Variants in MARK3 observed in about 807,000 individuals in gnomAD.
MARK3 encodes MAP/microtubule affinity-regulating kinase 3.
A neutral mutation model predicts 90.1 loss-of-function variants in MARK3; 46 were observed. That is an observed-to-expected ratio of 0.51 (90% CI 0.40 to 0.65). MARK3 has a LOEUF of 0.65. MARK3 is among the 30% of genes least tolerant of loss of function. The probability of loss-of-function intolerance (pLI) is 0.00; values close to 1 mark genes in which losing one functional copy is unlikely to be tolerated. For missense variants in MARK3, 818 were observed against 947.2 expected (o/e 0.86, Z 1.79); for synonymous variants, 321 against 332.6 (o/e 0.97, Z 0.38).
At chr14:103,470,059 CAAA>C (rs77013768) in intron 12 of MARK3, among the ~76,000 whole-genome samples, 3 of 111,290 alleles carry the variant, frequency 2.7e-5, no homozygotes, top group Non-Finnish European at 1.8e-5. Context: ...GAGTCCATCT[CAAA>C]AAAAAAAAAA....
chr14:103,433,465 G>C (rs994551557), intron 3 of MARK3, among the ~76,000 whole-genome samples: 3 of 152,054 alleles, frequency 2.0e-5, no homozygotes, highest in African/African-American at 7.2e-5. Context: ...AGGCCGAGGC[G>C]GGTGGATCAC....
intron 12 of MARK3, among the ~76,000 whole-genome samples, chr14:103,470,455 A>ATTTTTTTTTTTTTTTTTTTTTT: frequency 0.018 from 972 of 55,022 alleles, 366 homozygotes; most frequent in Middle Eastern, 0.031. Flanking sequence ...AACTAAATCT[A>ATTTTTTTTTTTTTTTTTTTTTT]TTTTTTTTTT....
chr14:103,486,980 T>A (rs1012174266), intron 14 of MARK3, among the ~76,000 whole-genome samples: 6 of 151,950 alleles, frequency 3.9e-5, no homozygotes, highest in South Asian at 2.1e-4. Context: ...TTTAGTGGCA[T>A]GATCTCAGCT....
At chr14:103,452,335 A>G (rs1246865780) in intron 5 of MARK3, among the ~76,000 whole-genome samples, 4 of 152,020 alleles carry the variant, frequency 2.6e-5, no homozygotes, top group Non-Finnish European at 5.9e-5. Context: ...TCATTTTCTA[A>G]CACGAAACTC....
chr14:103,435,744 G>A (rs913180772), intron 3 of MARK3, among the ~76,000 whole-genome samples: 27 of 150,900 alleles, frequency 1.8e-4, no homozygotes, highest in African/African-American at 5.1e-4. Context: ...TGATTGATGG[G>A]GTCTTGTCCT....
chr14:103,458,150 CTT>C (rs989835583), intron 6 of MARK3, among the ~76,000 whole-genome samples: 2 of 152,190 alleles, frequency 1.3e-5, no homozygotes, highest in Non-Finnish European at 2.9e-5. Flanking sequence ...ATTTAACTCT[CTT>C]GTTGTAGCTT....
At chr14:103,475,538 C>T (rs1377076043) in intron 13 of MARK3, among the ~76,000 whole-genome samples, 2 of 152,216 alleles carry the variant, frequency 1.3e-5, no homozygotes, top group African/African-American at 2.4e-5. Context: ...GGGCCCTGTT[C>T]TCTGCTTCCA....
intron 13 of MARK3, 111 bp from the exon 14 acceptor site, chr14:103,480,276 A>C (rs2141853516): frequency 1.4e-6 from 1 of 708,110 alleles, no homozygotes. Flanking sequence ...CCTTGCCTCA[A>C]AAAACAAGTA....
intron 14 of MARK3, among the ~76,000 whole-genome samples, chr14:103,481,760 T>TC (rs1308998885): frequency 6.6e-5 from 3 of 45,756 alleles, no homozygotes; most frequent in South Asian, 2.7e-3. Context: ...GGTATTTCTT[T>TC]TTTTTTTTTT....
chr14:103,416,296 A>C (rs2091941403), intron 2 of MARK3, among the ~76,000 whole-genome samples: 1 of 152,230 alleles, frequency 6.6e-6, no homozygotes, highest in South Asian at 2.1e-4. Context: ...TGGTAGCTAC[A>C]GGGAGACATT....
In MARK3 at chr14:103,464,141, T is replaced by C. The variant is rs538421727; in HGVS notation, c.541-1416T>C. 2.0e-5 allele frequency among the ~76,000 whole-genome samples: 3 copies of C among 152,324 alleles called. No homozygotes were observed. In the East Asian group the frequency reaches 5.8e-4, roughly 29 times the overall value. The stretch of plus-strand genomic sequence containing the variant: ...CATTTTGTCTCAGGACAGCTGCTTA[T>C]CATTCTCCTTCTTCCCTTCTAAACT... On this transcript the variant is annotated intron_variant, in intron 7 of 17. Coordinates refer to ENST00000429436, the MANE Select transcript of MARK3 (RefSeq NM_001128918.3).
chr14:103,476,429 G>A (rs2093716389), intron 13 of MARK3, among the ~76,000 whole-genome samples: 1 of 151,946 alleles, frequency 6.6e-6, no homozygotes, highest in East Asian at 1.9e-4. Context: ...AAAAAAGTTG[G>A]GTAATTGCCT....
intron 1 of MARK3, among the ~76,000 whole-genome samples, chr14:103,392,106 G>A (rs558673415): frequency 6.6e-6 from 1 of 152,222 alleles, no homozygotes; most frequent in Admixed American, 6.5e-5. Flanking sequence ...ATTAGTTAAT[G>A]CAAATAGTCC....
chr14:103,424,762 G>T (rs986726893), intron 2 of MARK3, among the ~76,000 whole-genome samples: 1 of 152,080 alleles, frequency 6.6e-6, no homozygotes, highest in Non-Finnish European at 1.5e-5. Context: ...CATTGGAATT[G>T]GGAGATCTAG....
At chr14:103,501,812 A>G (rs909450020) in intron 17 of MARK3, among the ~76,000 whole-genome samples, 4 of 152,128 alleles carry the variant, frequency 2.6e-5, no homozygotes, top group Admixed American at 6.6e-5. Context: ...CCCATTTAGT[A>G]TCTAACGTGG....
intron 3 of MARK3, among the ~76,000 whole-genome samples, chr14:103,441,746 T>C (rs960362511): frequency 1.3e-5 from 2 of 152,220 alleles, no homozygotes; most frequent in African/African-American, 4.8e-5. Flanking sequence ...AATCACTTGC[T>C]GCCTCACCTC....
At chr14:103,427,298 G>A (rs2092438451) in intron 2 of MARK3, among the ~76,000 whole-genome samples, 1 of 151,482 alleles carries the variant, frequency 6.6e-6, no homozygotes, top group South Asian at 2.1e-4. Flanking sequence ...TCAGGAGTTC[G>A]AGACCAGCCT....
intron 15 of MARK3, among the ~76,000 whole-genome samples, chr14:103,495,218 C>G (rs1393361401): frequency 6.6e-6 from 1 of 152,180 alleles, no homozygotes; most frequent in South Asian, 2.1e-4. Flanking sequence ...CGCCTGTAAT[C>G]CCAGCACTTT....
chr14:103,413,738 G>A (rs1429494565), intron 2 of MARK3, among the ~76,000 whole-genome samples: 4 of 151,946 alleles, frequency 2.6e-5, no homozygotes, highest in Admixed American at 6.6e-5. Context: ...GATTACAGGC[G>A]TGAGCCACCA....
Sources: allele counts gnomAD v4.1 joint callset (sites outside exome capture counted in the v4.1 genomes callset), GRCh38; gene constraint gnomAD v4.1.1; transcripts MANE v1.5; gene names NCBI Gene and HGNC (gene_info 2026-07-23, HGNC 2026-07-21).